CADPS: variants seen among roughly 807,000 people sequenced by gnomAD.
The protein encoded by CADPS is calcium-dependent secretion activator 1.
A neutral mutation model predicts 167.3 loss-of-function variants in CADPS; 57 were observed. The ratio of observed to expected loss-of-function variants is 0.34; its 90% CI spans 0.28 to 0.42. The LOEUF (loss-of-function observed/expected upper bound fraction) is 0.42, where lower values mean the gene tolerates loss of function less well. Among genes scored for constraint, CADPS ranks in the 20% least tolerant of loss-of-function variants. The pLI is 1.00. For synonymous variants in CADPS, 676 were observed against 635.3 expected (o/e 1.06, Z -0.96); for missense variants, 1,414 against 1,738.1 (o/e 0.81, Z 3.32).
At chr3:62,527,249 A>G (rs1325464042) in intron 13 of CADPS, among the ~76,000 whole-genome samples, 5 of 152,180 alleles carry the variant, frequency 3.3e-5, no homozygotes, top group African/African-American at 1.2e-4. Context: ...GCTCATCACC[A>G]GGGAGTTTGG....
intron 28 of CADPS, among the ~76,000 whole-genome samples, chr3:62,422,722 T>G (rs569182657): frequency 6.6e-6 from 1 of 152,236 alleles, no homozygotes. Context: ...TATAACCATG[T>G]TATTCTATAA....
chr3:62,398,777 G>C lies in CADPS; in HGVS notation c.*629C>G, dbSNP rs777908819. The C allele has an allele frequency of 2.0e-5, 3 of 151,998 alleles. No individual in the cohort carries two copies. Among genetic ancestry groups the C allele is most frequent in the Non-Finnish European group, 2.9e-5 (2 of 68,000 alleles). 9.4% of individuals were successfully genotyped at this position (151,998 alleles called of 1,614,324 possible). On this transcript the variant is annotated 3_prime_UTR_variant, in exon 30 of 30. Transcript: ENST00000383710. ...ATCGCCCCCTTGCCGTGGCAATTAA[G>C]AGAATCAATCCATTGGTATGTAGCC...
chr3:62,515,705 T>C (rs2068810976), intron 16 of CADPS, among the ~76,000 whole-genome samples: 1 of 152,082 alleles, frequency 6.6e-6, no homozygotes, highest in South Asian at 2.1e-4. Flanking sequence ...TATTTTCCTC[T>C]GTTTAAAGAA....
chr3:62,499,371 T>TA (rs1221818305), intron 17 of CADPS, 103 bp from the exon 18 acceptor site: 10 of 726,560 alleles, frequency 1.4e-5, no homozygotes, highest in Admixed American at 2.2e-5. Flanking sequence ...ATCAGTTTTT[T>TA]AAAAAAAATT....
chr3:62,593,297 G>A (rs1215029427), intron 6 of CADPS, among the ~76,000 whole-genome samples: 1 of 152,210 alleles, frequency 6.6e-6, no homozygotes, highest in Non-Finnish European at 1.5e-5. Context: ...GAAGGGAGAA[G>A]GATGAGGATG....
chr3:62,631,492 C>A (rs1288429266), intron 6 of CADPS, among the ~76,000 whole-genome samples: 1 of 152,114 alleles, frequency 6.6e-6, no homozygotes, highest in Non-Finnish European at 1.5e-5. Context: ...TAATCCATGG[C>A]TTTGTTTTCT....
intron 3 of CADPS, among the ~76,000 whole-genome samples, chr3:62,680,832 T>C (rs1397883368): frequency 2.6e-5 from 4 of 152,008 alleles, no homozygotes; most frequent in Non-Finnish European, 5.9e-5. Flanking sequence ...GTGACAATAT[T>C]GGTGGTGCTT....
chr3:62,415,553 AG>A (rs2049902465), intron 28 of CADPS, among the ~76,000 whole-genome samples: 1 of 152,168 alleles, frequency 6.6e-6, no homozygotes, highest in African/African-American at 2.4e-5. Flanking sequence ...TCGTAGCTTA[AG>A]GTCACTTCAG....
intron 3 of CADPS, among the ~76,000 whole-genome samples, chr3:62,666,837 C>T (rs2074508618): frequency 6.6e-6 from 1 of 152,136 alleles, no homozygotes; most frequent in Non-Finnish European, 1.5e-5. Flanking sequence ...TACTGTAGGG[C>T]CAATTTAAAC....
chr3:62,592,363 G>A (rs2086244237), intron 7 of CADPS, among the ~76,000 whole-genome samples: 3 of 152,154 alleles, frequency 2.0e-5, no homozygotes, highest in South Asian at 4.1e-4. Flanking sequence ...TAACTCTAAA[G>A]GATGTTTGGG....
At chr3:62,523,654 A>G (rs2071299233) in intron 13 of CADPS, among the ~76,000 whole-genome samples, 1 of 152,230 alleles carries the variant, frequency 6.6e-6, no homozygotes, top group Non-Finnish European at 1.5e-5. Flanking sequence ...TTGGTGATTA[A>G]GGGCAGAATC....
chr3:62,492,509 A>T, intron 19 of CADPS, 63 bp from the exon 20 acceptor site: 1 of 1,511,800 alleles, frequency 6.6e-7, no homozygotes, highest in Non-Finnish European at 9.1e-7. Flanking sequence ...CGGACATAAG[A>T]CGTGAATTCC....
rs138611744 is a variant in CADPS at position 62,645,795 on chromosome 3, T to C, written c.1252A>G (p.Ile418Val). The change falls in exon 6 of 30, where the codon ATC becomes GTC. Residue 418 changes from isoleucine to valine, a missense_variant. This residue lies in a region of CADPS where 157 missense variants were observed against 229.4 expected (regional missense o/e 0.68). Transcript: ENST00000383710. ...TCCACCTCCATTGTGCAATATACGA[T>C]GCGATTTGGAGCCAAAGATTTGAGG... ...QGLKSLAPNR[I>V]VYCTMEVEGG... 6 of 1,614,126 alleles carry C rather than the reference T, an allele frequency of 3.7e-6. No homozygotes were observed. Among genetic ancestry groups the C allele is most frequent in the African/African-American group, 2.7e-5 (2 of 75,062 alleles).
chr3:62,796,690 A>G (rs1369940786), intron 1 of CADPS, among the ~76,000 whole-genome samples: 1 of 152,160 alleles, frequency 6.6e-6, no homozygotes. Context: ...ATTGGAAACC[A>G]TTTCTGATTC....
chr3:62,638,722 A>G (rs1003729482), intron 6 of CADPS, among the ~76,000 whole-genome samples: 1 of 152,152 alleles, frequency 6.6e-6, no homozygotes, highest in African/African-American at 2.4e-5. Context: ...ATTCCAACTA[A>G]TTTCAGAAAT....
intron 2 of CADPS, among the ~76,000 whole-genome samples, chr3:62,763,373 G>A (rs2086015965): frequency 6.6e-6 from 1 of 152,218 alleles, no homozygotes; most frequent in African/African-American, 2.4e-5. Flanking sequence ...ACAGGGATGA[G>A]TACAGTCGAG....
chr3:62,492,141 G>C (rs754337974), intron 20 of CADPS, 149 bp downstream of exon 20: 1 of 684,418 alleles, frequency 1.5e-6, no homozygotes, highest in Non-Finnish European at 2.5e-6. Context: ...CCCTTCAGCT[G>C]TATGTTTCTT....
intron 1 of CADPS, among the ~76,000 whole-genome samples, chr3:62,839,238 A>G (rs1352439430): frequency 6.6e-6 from 1 of 152,088 alleles, no homozygotes; most frequent in Non-Finnish European, 1.5e-5. Flanking sequence ...TCGGTCACCC[A>G]GGTTGGAGTG....
intron 28 of CADPS, among the ~76,000 whole-genome samples, chr3:62,411,014 A>G (rs1236919021): frequency 6.6e-6 from 1 of 152,100 alleles, no homozygotes; most frequent in Non-Finnish European, 1.5e-5. Flanking sequence ...CTGAGGTGGG[A>G]GGGTTGCTTG....
Sources: allele counts gnomAD v4.1 joint callset (sites outside exome capture counted in the v4.1 genomes callset), GRCh38; gene constraint gnomAD v4.1.1; regional missense constraint gnomAD v4.1.1; transcripts MANE v1.5; gene names NCBI Gene and HGNC (gene_info 2026-07-23, HGNC 2026-07-21).